The following LRRC4C variants were observed in gnomAD, a reference collection of about 807,000 sequenced individuals.
The protein encoded by LRRC4C is leucine-rich repeat-containing protein 4C.
A neutral mutation model predicts 33.6 loss-of-function variants in LRRC4C; 5 were observed. The observed-to-expected ratio is 0.15, with a 90% confidence interval of 0.08 to 0.31. LRRC4C has a LOEUF of 0.31. Ranked by LOEUF, LRRC4C falls within the 10% of genes least tolerant of loss-of-function variation. The pLI is 1.00. For synonymous variants in LRRC4C, 329 were observed against 302.0 expected (o/e 1.09, Z -0.93); for missense variants, 560 against 796.7 (o/e 0.70, Z 3.58).
chr11:40,375,279 T>G (rs1948611747), intron 3 of LRRC4C, among the ~76,000 whole-genome samples: 1 of 152,194 alleles, frequency 6.6e-6, no homozygotes, highest in Admixed American at 6.5e-5. Context: ...GTGGCCTTTA[T>G]AATTGAAATA....
chr11:41,032,863 G>A (rs1160587613), intron 1 of LRRC4C, among the ~76,000 whole-genome samples: 6 of 151,970 alleles, frequency 3.9e-5, no homozygotes, highest in Non-Finnish European at 8.8e-5. Flanking sequence ...GTTGATCCAA[G>A]TAAACTATTA....
intron 4 of LRRC4C, among the ~76,000 whole-genome samples, chr11:40,302,206 G>A (rs1944807839): frequency 6.6e-6 from 1 of 152,184 alleles, no homozygotes; most frequent in African/African-American, 2.4e-5. Context: ...ACGTGAGTGA[G>A]TGTTTGACAT....
intron 5 of LRRC4C, among the ~76,000 whole-genome samples, chr11:40,200,784 A>AAAAAAAAAAAAAG (rs71060946): frequency 1.3e-3 from 103 of 78,410 alleles, no homozygotes; most frequent in African/African-American, 2.6e-3. Context: ...AAAAAAAAAA[A>AAAAAAAAAAAAAG]AAAAGAAAAG....
At chr11:40,200,185 A>AAAAAAAAAAAAAAAAAAAAC (rs1862601777) in intron 5 of LRRC4C, among the ~76,000 whole-genome samples, 1 of 53,914 alleles carries the variant, frequency 1.9e-5, no homozygotes, top group Non-Finnish European at 4.5e-5. Flanking sequence ...TCCACTAAAA[A>AAAAAAAAAAAAAAAAAAAAC]AAAAAAAAAA....
At chr11:41,138,891 A>G (rs1489749026) in intron 1 of LRRC4C, among the ~76,000 whole-genome samples, 1 of 152,216 alleles carries the variant, frequency 6.6e-6, no homozygotes, top group African/African-American at 2.4e-5. Context: ...TTTCTTTAAA[A>G]TTAAAACAAA....
intron 3 of LRRC4C, among the ~76,000 whole-genome samples, chr11:40,332,225 C>G (rs1167783607): frequency 6.6e-6 from 1 of 152,140 alleles, no homozygotes; most frequent in Non-Finnish European, 1.5e-5. Context: ...ATGGCCAGGC[C>G]ACAGTCTCTC....
chr11:41,188,615 T>A (rs1259285987), intron 1 of LRRC4C, among the ~76,000 whole-genome samples: 1 of 151,692 alleles, frequency 6.6e-6, no homozygotes, highest in Admixed American at 6.6e-5. Context: ...CTTATAACAC[T>A]GTCTACTCAT....
intron 3 of LRRC4C, among the ~76,000 whole-genome samples, chr11:40,382,123 ATTTTTTTT>A (rs77934711): frequency 2.1e-3 from 205 of 99,956 alleles, no homozygotes; most frequent in African/African-American, 7.0e-3. Flanking sequence ...TGCCCGGCTA[ATTTTTTTT>A]TTTTTTTTTT....
intron 2 of LRRC4C, among the ~76,000 whole-genome samples, chr11:40,898,797 C>A (rs2136172408): frequency 6.6e-6 from 1 of 151,902 alleles, no homozygotes; most frequent in Non-Finnish European, 1.5e-5. Flanking sequence ...ATTAACCAAC[C>A]ACTCGTCCCA....
chr11:41,252,707 T>A (rs547854356), intron 1 of LRRC4C, among the ~76,000 whole-genome samples: 1 of 152,100 alleles, frequency 6.6e-6, no homozygotes, highest in African/African-American at 2.4e-5. Context: ...GGGTAATTTA[T>A]AAAGGAAAGA....
intron 1 of LRRC4C, among the ~76,000 whole-genome samples, chr11:41,068,229 T>C (rs1295655019): frequency 1.3e-5 from 2 of 151,812 alleles, no homozygotes; most frequent in Non-Finnish European, 2.9e-5. Flanking sequence ...CCTGTGTCTA[T>C]TAAAAATACA....
intron 1 of LRRC4C, among the ~76,000 whole-genome samples, chr11:41,310,652 A>G (rs1950619538): frequency 6.6e-6 from 1 of 152,216 alleles, no homozygotes; most frequent in African/African-American, 2.4e-5. Flanking sequence ...ATTAAAGAAT[A>G]TTTGTCTAGC....
Position 41,031,189 on chromosome 11 carries a change from G to A in LRRC4C, c.-495-97466C>T, listed in dbSNP as rs534002327. 3.3e-5 allele frequency among the ~76,000 whole-genome samples: 5 copies of A among 151,984 alleles called. No homozygotes were observed. In the South Asian group the frequency reaches 1.0e-3, roughly 32 times the overall value. On this transcript the variant is annotated intron_variant, in intron 1 of 6. Transcript: ENST00000528697. ...GGCTAGTAGGTATTTGTACAGTGTG[G>A]CTGAAAAGGCCGAAGGTTGAGCAAT... is the stretch of plus-strand genomic sequence containing the variant.
intron 1 of LRRC4C, among the ~76,000 whole-genome samples, chr11:41,243,461 C>G (rs1948331923): frequency 6.6e-6 from 1 of 152,198 alleles, no homozygotes; most frequent in Admixed American, 6.5e-5. Context: ...ATTCTTCTCT[C>G]CTTCCTCAAT....
chr11:40,355,846 T>C (rs1436129903), intron 3 of LRRC4C, among the ~76,000 whole-genome samples: 1 of 152,156 alleles, frequency 6.6e-6, no homozygotes, highest in African/African-American at 2.4e-5. Context: ...GTTGTTCAAT[T>C]TGGTGTTCCT....
At chr11:40,381,191 T>A (rs1264592942) in intron 3 of LRRC4C, among the ~76,000 whole-genome samples, 2 of 151,298 alleles carry the variant, frequency 1.3e-5, no homozygotes, top group Admixed American at 1.3e-4. Context: ...ATTAACCATT[T>A]AGTGATGTGC....
intron 1 of LRRC4C, among the ~76,000 whole-genome samples, chr11:41,428,005 C>T (rs1034839187): frequency 3.9e-5 from 6 of 152,172 alleles, no homozygotes; most frequent in Non-Finnish European, 5.9e-5. Context: ...ACAACCCCAC[C>T]CCTATCTCCC....
chr11:40,614,591 G>T (rs1565561048), intron 3 of LRRC4C, among the ~76,000 whole-genome samples: 2 of 151,288 alleles, frequency 1.3e-5, no homozygotes, highest in Non-Finnish European at 3.0e-5. Context: ...TTTATGATGT[G>T]GCTGTTTGGC....
At chr11:40,117,895 G>A in intron 6 of LRRC4C, among the ~76,000 whole-genome samples, 1 of 151,522 alleles carries the variant, frequency 6.6e-6, no homozygotes, top group Non-Finnish European at 1.5e-5. Flanking sequence ...GATAAAATGA[G>A]TTAATACAGA....
Sources: allele counts gnomAD v4.1 joint callset (sites outside exome capture counted in the v4.1 genomes callset), GRCh38; gene constraint gnomAD v4.1.1; transcripts MANE v1.5; gene names NCBI Gene and HGNC (gene_info 2026-07-23, HGNC 2026-07-21).